CACNA1C: variants seen among roughly 807,000 people sequenced by gnomAD.
CACNA1C encodes the protein calcium voltage-gated channel subunit alpha1 C, also known as voltage-dependent L-type calcium channel subunit alpha-1C.
A neutral mutation model predicts 229.0 loss-of-function variants in CACNA1C; 30 were observed. That is an observed-to-expected ratio of 0.13 (90% CI 0.10 to 0.18). CACNA1C has a LOEUF of 0.18. Ranked by LOEUF, CACNA1C falls within the 10% of genes least tolerant of loss-of-function variation. The pLI is 1.00. For missense variants in CACNA1C, 1,658 were observed against 2,845.0 expected (o/e 0.58, Z 9.49); for synonymous variants, 1,114 against 1,132.5 (o/e 0.98, Z 0.33).
intron 3 of CACNA1C, among the ~76,000 whole-genome samples, chr12:2,144,992 A>G (rs1377293177): frequency 1.3e-5 from 2 of 151,282 alleles, no homozygotes; most frequent in African/African-American, 4.8e-5. Flanking sequence ...AACCCTCTGC[A>G]GTATTAGAGG....
intron 3 of CACNA1C, among the ~76,000 whole-genome samples, chr12:2,183,738 C>T: frequency 6.6e-6 from 1 of 152,222 alleles, no homozygotes; most frequent in Non-Finnish European, 1.5e-5. Context: ...TCTTGCCTTC[C>T]CGCCAGGTGG....
Position 2,634,373 on chromosome 12 carries a change from A to C in CACNA1C, c.3905A>C (p.Glu1302Ala). ...VGSIVDIAIT[E>A]VNPAEHTQCS... ...AGCATTGTTGATATAGCAATCACCG[A>C]GGTAAACGTAAGTACATGGCGTCTG... The change falls in exon 30 of 47, where the codon GAG becomes GCG. Residue 1302 changes from glutamate (E) to alanine (A), a missense_variant. Physicochemically the swap from Glu to Ala is moderately radical, Grantham distance 107 (BLOSUM62 -1). This residue lies in a region of CACNA1C where 38 missense variants were observed against 53.3 expected (regional missense o/e 0.71). Coordinates refer to ENST00000399655, the MANE Select transcript of CACNA1C (RefSeq NM_000719.7). The C allele has an allele frequency of 6.4e-7, 1 of 1,566,008 alleles. No individual in the cohort carries two copies. Among genetic ancestry groups the C allele is most frequent in the Non-Finnish European group, 8.7e-7 (1 of 1,148,814 alleles).
chr12:2,428,451 G>C (rs2099053248), intron 3 of CACNA1C, among the ~76,000 whole-genome samples: 2 of 152,320 alleles, frequency 1.3e-5, no homozygotes, highest in South Asian at 4.1e-4. Flanking sequence ...CTGGTATTTA[G>C]TTCTATTTGG....
At chr12:2,096,024 G>C (rs924971649) in intron 1 of CACNA1C, among the ~76,000 whole-genome samples, 1 of 152,162 alleles carries the variant, frequency 6.6e-6, no homozygotes, top group Non-Finnish European at 1.5e-5. Context: ...TAGGCACAGA[G>C]CCACAGAGAT....
At chr12:2,454,310 A>G (rs4765936) in intron 4 of CACNA1C, among the ~76,000 whole-genome samples, 39,376 of 152,054 alleles carry the variant, frequency 0.26, 6,562 homozygotes, top group East Asian at 0.71. Flanking sequence ...GCTATAGCCA[A>G]TATCCCTGTC....
intron 1 of CACNA1C, chr12:1,992,009 C>T (rs1289869365): frequency 7.2e-6 from 2 of 277,384 alleles, no homozygotes; most frequent in African/African-American, 2.3e-5. Flanking sequence ...TAACTATAAG[C>T]ACACAAAACA....
intron 3 of CACNA1C, among the ~76,000 whole-genome samples, chr12:2,283,136 G>A (rs912453679): frequency 2.0e-4 from 31 of 151,990 alleles, no homozygotes; most frequent in African/African-American, 7.5e-4. Context: ...AGGTTTGGAT[G>A]TAGTAGATCT....
chr12:2,584,625 T>C lies in CACNA1C; in HGVS notation c.2339+8T>C. The C allele has an allele frequency of 6.3e-7, 1 of 1,588,730 alleles. No individual in the cohort carries two copies. Among genetic ancestry groups the C allele is most frequent in the Non-Finnish European group, 8.6e-7 (1 of 1,158,848 alleles). ...GAGAAAGAAGCTGGCCAGGTAACCC[T>C]CTAAGCTTGCCCAGGCCTGGGGCTC... On this transcript the variant is annotated splice_region_variant and intron_variant, in intron 16 of 46. Coordinates refer to ENST00000399655, the MANE Select transcript of CACNA1C (RefSeq NM_000719.7).
chr12:2,280,944 C>T (rs1192065128), intron 3 of CACNA1C, among the ~76,000 whole-genome samples: 3 of 152,210 alleles, frequency 2.0e-5, no homozygotes, highest in Non-Finnish European at 4.4e-5. Flanking sequence ...TTAACAGTTG[C>T]TGTAGGGCTC....
chr12:1,979,646 TG>T lies in CACNA1C; in HGVS notation c.139+8446del, dbSNP rs1306650387. On this transcript the variant is annotated intron_variant, in intron 1 of 46. Transcript: ENST00000682462. ...TAAGTAAATAACTACGAACGGAACT[TG>T]TTGGATCATACGCTAGTTATATGTT... Among the ~76,000 whole-genome samples, 4 of 152,254 alleles carry T rather than the reference TG, an allele frequency of 2.6e-5. No homozygotes were observed. In the East Asian group the frequency reaches 7.7e-4, roughly 29 times the overall value.
chr12:2,214,073 GCTT>G (rs2059374360), intron 3 of CACNA1C, among the ~76,000 whole-genome samples: 2 of 152,232 alleles, frequency 1.3e-5, no homozygotes, highest in Non-Finnish European at 2.9e-5. Context: ...CACCACCATA[GCTT>G]CTTGTCTTGC....
upstream of CACNA1C, among the ~76,000 whole-genome samples, chr12:2,052,831 C>G (rs1315138753): frequency 6.9e-6 from 1 of 145,016 alleles, no homozygotes; most frequent in Non-Finnish European, 1.5e-5. Context: ...GCCGTGCGCC[C>G]GGCTCCCTGC....
In CACNA1C at chr12:2,152,104, G is replaced by T. The variant is rs2095308783; in HGVS notation, c.477+31674G>T. 2.0e-5 allele frequency among the ~76,000 whole-genome samples: 3 copies of T among 152,166 alleles called. No homozygotes were observed. The highest frequency in any genetic ancestry group is 2.0e-4 in the Admixed American group (3 of 15,276). ...CATTTAGTTTCAGGAAAACATCGAT[G>T]GTGCCCTTCCCTAGATAGCTGCGTT... On this transcript the variant is annotated intron_variant, in intron 3 of 46. Transcript: ENST00000399655. This position sits in a 1 kb window ranked among gnomAD's most constrained non-coding sequence, Gnocchi z 4.2.
At chr12:2,418,297 C>T (rs560446003) in intron 3 of CACNA1C, among the ~76,000 whole-genome samples, 3 of 152,306 alleles carry the variant, frequency 2.0e-5, no homozygotes, top group African/African-American at 7.2e-5. Context: ...TTTCAGATGG[C>T]TATAAATACA....
At chr12:2,607,856 A>G (rs892221042) in intron 26 of CACNA1C, 1 of 152,286 alleles carries the variant, frequency 6.6e-6, no homozygotes, top group Non-Finnish European at 1.5e-5. Flanking sequence ...TAAGAGTCAC[A>G]TTATTATGTG....
intron 5 of CACNA1C, among the ~76,000 whole-genome samples, chr12:2,476,809 G>T (rs1439503850): frequency 1.3e-5 from 2 of 152,016 alleles, no homozygotes; most frequent in Admixed American, 6.6e-5. Context: ...TTATTAATCT[G>T]GAAAGGCTAA....
intron 11 of CACNA1C, among the ~76,000 whole-genome samples, chr12:2,560,829 T>A (rs936770442): frequency 7.1e-6 from 1 of 141,314 alleles, no homozygotes; most frequent in Non-Finnish European, 1.5e-5. Flanking sequence ...TTTTCTGTGG[T>A]GTTTGTTGTT....
rs2095835489 is a variant in CACNA1C, at chr12:2,319,002, T to A, written c.478-129974T>A. Among the ~76,000 whole-genome samples, 2 of 151,846 alleles carry A rather than the reference T, an allele frequency of 1.3e-5. No homozygotes were observed. The highest frequency in any genetic ancestry group is 6.6e-5 in the Admixed American group (1 of 15,262). ...AGGAAAAGGACTGGGAAGCTCAGAGTTGAGCTCCTTTTCTGACAATAGTGG... is the reference window on the plus strand; with the variant it reads ...AGGAAAAGGACTGGGAAGCTCAGAGATGAGCTCCTTTTCTGACAATAGTGG... On this transcript the variant is annotated intron_variant, in intron 3 of 46. Coordinates refer to ENST00000399655, the MANE Select transcript of CACNA1C (RefSeq NM_000719.7). This position sits in a 1 kb window ranked among gnomAD's most constrained non-coding sequence, Gnocchi z 4.0.
At chr12:2,083,282 G>A (rs528654051) in intron 1 of CACNA1C, among the ~76,000 whole-genome samples, 2 of 152,348 alleles carry the variant, frequency 1.3e-5, no homozygotes, top group South Asian at 4.1e-4. Flanking sequence ...TGCTGCTGAT[G>A]GAAGCCATGG....
Sources: gnomAD v4.1 joint callset for allele counts (sites outside exome capture counted in the v4.1 genomes callset) on GRCh38, gnomAD v4.1.1 for gene constraint, gnomAD v4.1.1 regional missense constraint, Gnocchi (gnomAD v3.1) non-coding constraint, MANE v1.5 for transcripts, NCBI Gene and HGNC (gene_info 2026-07-23, HGNC 2026-07-21) for gene names.